PKD1L3: variants seen among roughly 807,000 people sequenced by gnomAD.
PKD1L3 encodes polycystin-1-like protein 3.
In PKD1L3, 239 loss-of-function variants were observed where a neutral mutation model predicts 184.1. The observed-to-expected ratio is 1.30, with a 90% CI of 1.17 to 1.45. The LOEUF (loss-of-function observed/expected upper bound fraction) is 1.45. PKD1L3 is among the 40% of genes most tolerant of loss of function. The pLI is 0.00. For synonymous variants in PKD1L3, 996 were observed against 778.8 expected, an observed-to-expected ratio of 1.28 and a Z score of -4.64; for missense variants, 2,660 against 2,067.2, an observed-to-expected ratio of 1.29 and a Z score of -5.56.
intron 5 of PKD1L3, among the ~76,000 whole-genome samples, chr16:71,985,231 T>C (rs2040311145): frequency 6.6e-6 from 1 of 152,158 alleles, no homozygotes; most frequent in Admixed American, 6.5e-5. Context: ...TTGTTTAAAC[T>C]CCTGTAGGTC....
chr16:71,976,988 C>CG (rs1238949923), intron 11 of PKD1L3, among the ~76,000 whole-genome samples: 9 of 152,240 alleles, frequency 5.9e-5, no homozygotes, highest in African/African-American at 1.9e-4. Flanking sequence ...TGTGATCTGC[C>CG]CGCCTCGGCC....
intron 5 of PKD1L3, 121 bp downstream of exon 5, chr16:71,986,100 T>A (rs1331424049): frequency 7.7e-7 from 1 of 1,294,382 alleles, no homozygotes; most frequent in African/African-American, 1.5e-5. Context: ...TTGTTTTGGA[T>A]TGGCATATAC....
At position 71,951,656 on chromosome 16, in the gene PKD1L3, A is replaced by C. The variant is rs762163703; in HGVS notation, c.3098T>G (p.Ile1033Ser). 1 of 1,551,768 alleles carries C rather than the reference A, an allele frequency of 6.4e-7. No individual in the cohort carries two copies. Among genetic ancestry groups the C allele is most frequent in the South Asian group, 1.2e-5 (1 of 84,060 alleles). Residue 1033 changes from isoleucine (I) to serine (S), a missense_variant, in exon 19 of 30, where the codon ATT (isoleucine) becomes AGT (serine). Ile to Ser is a moderately radical substitution (Grantham distance 142, BLOSUM62 -2). Coordinates refer to ENST00000620267, the MANE Select transcript of PKD1L3 (RefSeq NM_181536.2). ...GGATAAAAGTTTCACCAGCTTAGTA[A>C]TGTCCCAAGAACTCCATGGCGGCTG... is the stretch of plus-strand genomic sequence containing the variant. Reference protein sequence around the residue: ...CEQPPWSSWDITKLVKLLSSL... With the variant: ...CEQPPWSSWDSTKLVKLLSSL...
At chr16:71,943,509 G>A (rs1282875922) in intron 23 of PKD1L3, among the ~76,000 whole-genome samples, 2 of 130,346 alleles carry the variant, frequency 1.5e-5, no homozygotes, top group African/African-American at 5.8e-5. Context: ...CTGCACTCCA[G>A]CCTGGGCAAC....
intron 16 of PKD1L3, among the ~76,000 whole-genome samples, 194 bp from the exon 17 acceptor site, chr16:71,954,495 T>C (rs1340484090): frequency 6.6e-6 from 1 of 152,208 alleles, no homozygotes; most frequent in African/African-American, 2.4e-5. Flanking sequence ...AATGTGTCCA[T>C]GTAAGATTCT....
At chr16:71,968,135 G>T in intron 13 of PKD1L3, 128 bp from the exon 14 acceptor site, 1 of 689,566 alleles carries the variant, frequency 1.5e-6, no homozygotes, top group Non-Finnish European at 2.4e-6. Flanking sequence ...GCAGGGCTGA[G>T]GTGTGGGCAG....
chr16:71,967,904 A>T lies in PKD1L3; in HGVS notation c.2286+2T>A. On this transcript the variant is annotated splice_donor_variant, in intron 14 of 29. Transcript: ENST00000620267. LOFTEE classifies it high-confidence loss of function. ...AATGTGAAAAACATTTATTTCATTA[A>T]CCTTAGCTGTTGTAGCAGCGCTTCT... The T allele has an allele frequency of 6.5e-7, 1 of 1,546,898 alleles. No homozygotes were observed.
chr16:71,945,266 C>CTATATATA lies in PKD1L3; in HGVS notation c.3719-1104_3719-1097dup, dbSNP rs60469321. ...AGGCCTAAGATTCTGAATTTCTTAA[C>CTATATATA]TATATATATATATATATATATATAT... is the stretch of plus-strand genomic sequence containing the variant. On this transcript the variant is annotated intron_variant, in intron 22 of 29. Coordinates refer to ENST00000620267, the MANE Select transcript of PKD1L3 (RefSeq NM_181536.2). Among the ~76,000 whole-genome samples, 57 of 63,920 alleles carry CTATATATA rather than the reference C, an allele frequency of 8.9e-4. 1 individual carries two copies. Among genetic ancestry groups the CTATATATA allele is most frequent in the Non-Finnish European group, 1.4e-3 (45 of 33,198 alleles). The allele number at this position is 63,920 out of a possible 152,430, so 41.9% of individuals were successfully genotyped here.
At position 71,937,394 on chromosome 16, in the gene PKD1L3, C is replaced by T. The variant is rs2038217199; in HGVS notation, c.4350G>A (p.Leu1450=). Residue 1450 remains leucine (L), a synonymous_variant, in exon 25 of 30, where the codon CTG becomes CTA. Coordinates refer to ENST00000620267, the MANE Select transcript of PKD1L3 (RefSeq NM_181536.2). ...ACATCTGAAGGGAAGTGAAGCTTTC[C>T]AGTCTCAAAGAGGTGAAGAAAGCAC... ...MRGAFFTSLR[L]ESFTSLQMSK... is the part of the protein sequence containing the mutation. 17 of 1,551,526 alleles carry T rather than the reference C, an allele frequency of 1.1e-5. No individual in the cohort carries two copies. Among genetic ancestry groups the T allele is most frequent in the Admixed American group, 2.0e-5 (1 of 50,962 alleles).
rs1339978956 is a variant in PKD1L3, at chr16:71,984,151, G to A, written c.851C>T (p.Ala284Val). The A allele has an allele frequency of 8.4e-6, 13 of 1,551,362 alleles. No individual in the cohort carries two copies. Among genetic ancestry groups the A allele is most frequent in the South Asian group, 1.2e-5 (1 of 84,064 alleles). Residue 284 changes from alanine (A) to valine (V), a missense_variant, in exon 6 of 30, where the codon GCA becomes GTA. Physicochemically the swap from Ala to Val is moderately conservative, Grantham distance 64. Coordinates refer to ENST00000620267, the MANE Select transcript of PKD1L3 (RefSeq NM_181536.2). Reference sequence around the variant, plus strand: ...ATGAACTGCTCTGCTGAAGTTCCCTGCTATCTCATCTATGACCTATTGGGA... The same window carrying A: ...ATGAACTGCTCTGCTGAAGTTCCCTACTATCTCATCTATGACCTATTGGGA... ...KASGQVIDEI[A>V]GNFSRAVHGL...
intron 16 of PKD1L3, 138 bp downstream of exon 16, chr16:71,963,067 C>A: frequency 1.1e-6 from 1 of 920,780 alleles, no homozygotes; most frequent in East Asian, 3.1e-5. Context: ...CAGTTACAAC[C>A]ACAACAGTAA....
chr16:71,981,108 A>G (rs1340371829), intron 7 of PKD1L3, among the ~76,000 whole-genome samples: 2 of 152,194 alleles, frequency 1.3e-5, no homozygotes, highest in Admixed American at 1.3e-4. Context: ...ACCAGATTCT[A>G]CTTAGCCATC....
intron 16 of PKD1L3, among the ~76,000 whole-genome samples, chr16:71,962,764 G>C (rs2039331887): frequency 6.6e-6 from 1 of 152,198 alleles, no homozygotes; most frequent in South Asian, 2.1e-4. Flanking sequence ...GCAAACATGA[G>C]TCACGGTGCC....
rs1439614390 is a variant in PKD1L3, at chr16:71,977,327, T to C, written c.1668A>G (p.Leu556=). ...IVSIDPDSPL[L]MTLYLGFQYQ... ...ACTGGAACCCCAGGTAGAGTGTCAT[T>C]AAAAGGGGACTGTCAGGATCTATGC... Residue 556 remains leucine (L), a synonymous_variant, in exon 11 of 30, where the codon TTA becomes TTG. Coordinates refer to ENST00000620267, the MANE Select transcript of PKD1L3 (RefSeq NM_181536.2). 1 of 1,546,616 alleles carries C rather than the reference T, an allele frequency of 6.5e-7. No homozygotes were observed. The highest frequency in any genetic ancestry group is 2.4e-5 in the East Asian group (1 of 40,900).
At chr16:71,987,372 C>T (rs1023990876) in intron 4 of PKD1L3, among the ~76,000 whole-genome samples, 17 of 151,918 alleles carry the variant, frequency 1.1e-4, no homozygotes, top group Non-Finnish European at 1.9e-4. Flanking sequence ...AGGCACACAC[C>T]ACCATGCCTG....
At chr16:71,959,481 A>T (rs2039186540) in intron 16 of PKD1L3, among the ~76,000 whole-genome samples, 1 of 152,156 alleles carries the variant, frequency 6.6e-6, no homozygotes, top group Non-Finnish European at 1.5e-5. Flanking sequence ...AGAGAAATTG[A>T]TATTAATTAT....
chr16:71,990,296 G>C lies in PKD1L3; in HGVS notation c.569C>G (p.Pro190Arg). 6.5e-7 allele frequency: 1 copy of C among 1,548,318 alleles called. No homozygotes were observed. Among genetic ancestry groups the C allele is most frequent in the East Asian group, 2.4e-5 (1 of 40,860 alleles). Residue 190 changes from proline to arginine, a missense_variant, in exon 4 of 30, where the codon CCT (proline) becomes CGT (arginine). Physicochemically the swap from Pro to Arg is moderately radical, Grantham distance 103. Transcript: ENST00000620267. ...AGCACTTACAAGATGAGCAGGAAGA[G>C]GATAGTGACATGTGGTTGGAAGATG... ...PGHLPTTCHY[P>R]LPAHLSKTLC...
At chr16:71,983,995 C>A in intron 6 of PKD1L3, 41 bp downstream of exon 6, 1 of 1,545,728 alleles carries the variant, frequency 6.5e-7, no homozygotes, top group Non-Finnish European at 8.7e-7. Context: ...CCGCTTTTCC[C>A]TCTCTCCTAC....
chr16:71,997,644 A>T (rs2040838868), intron 2 of PKD1L3, among the ~76,000 whole-genome samples: 1 of 152,112 alleles, frequency 6.6e-6, no homozygotes, highest in Admixed American at 6.6e-5. Flanking sequence ...GCTACTAGGG[A>T]GGCTGAGGCA....
Sources: gnomAD v4.1 joint callset for allele counts (sites outside exome capture counted in the v4.1 genomes callset) on GRCh38, gnomAD v4.1.1 for gene constraint, MANE v1.5 for transcripts, NCBI Gene and HGNC (gene_info 2026-07-23, HGNC 2026-07-21) for gene names.